The following VSX1 variants were observed in gnomAD, a reference collection of about 807,000 sequenced individuals.
The protein encoded by VSX1 is visual system homeobox 1.
In VSX1, 23 loss-of-function variants were observed where a neutral mutation model predicts 23.6. That is an observed-to-expected ratio of 0.97 (90% CI 0.70 to 1.38). The LOEUF (loss-of-function observed/expected upper bound fraction) is 1.38. Among genes scored for constraint, VSX1 ranks in the 40% most tolerant of loss-of-function variants. The probability of loss-of-function intolerance (pLI) is 0.00; values close to 1 mark genes in which losing one functional copy is unlikely to be tolerated. For synonymous variants in VSX1, 247 were observed against 215.1 expected (o/e 1.15, Z -1.30); for missense variants, 517 against 495.4 (o/e 1.04, Z -0.41).
At chr20:25,081,410 A>G (rs1036076237) in intron 1 of VSX1, 1 of 744,646 alleles carries the variant, frequency 1.3e-6, no homozygotes, top group African/African-American at 1.7e-5. Context: ...TCTCATCAAA[A>G]GGTTCCACCC....
At chr20:25,078,724 G>A (rs779374661) in intron 3 of VSX1, 105 bp downstream of exon 3, 6 of 1,613,562 alleles carry the variant, frequency 3.7e-6, no homozygotes, top group Non-Finnish European at 5.1e-6. Context: ...CTATGCAAAG[G>A]GAGCGTGTTG....
intron 2 of VSX1, among the ~76,000 whole-genome samples, chr20:25,079,164 A>G (rs2089583593): frequency 1.3e-5 from 2 of 152,236 alleles, no homozygotes; most frequent in Non-Finnish European, 2.9e-5. Context: ...AATGAATTCC[A>G]TCAGCTCATT....
chr20:25,074,439 A>G (rs2089444566), downstream of VSX1, among the ~76,000 whole-genome samples: 1 of 152,244 alleles, frequency 6.6e-6, no homozygotes, highest in South Asian at 2.1e-4. Flanking sequence ...CAGTGCTTCT[A>G]GCCCCTTTCT....
chr20:25,081,844 G>A lies in VSX1; in HGVS notation c.253C>T (p.Leu85Phe). Residue 85 changes from leucine (L) to phenylalanine (F), a missense_variant, in exon 1 of 5, where the codon CTC becomes TTC. Transcript: ENST00000376709. ...RGALPLGLGL[L>F]CGFGTQPPAA... ...GGCGGCTGCGTGCCGAAGCCACAGA[G>A]GAGGCCGAGTCCCAGCGGTAGGGCC... 6.6e-7 allele frequency: 1 copy of A among 1,519,446 alleles called. No homozygotes were observed. Among genetic ancestry groups the A allele is most frequent in the Non-Finnish European group, 8.8e-7 (1 of 1,141,350 alleles). The allele number at this position is 1,519,446 out of a possible 1,614,324, so 94.1% of individuals were successfully genotyped here.
chr20:25,078,779 G>C (rs767104292), intron 3 of VSX1, 50 bp downstream of exon 3: 1 of 1,614,166 alleles, frequency 6.2e-7, no homozygotes, highest in Non-Finnish European at 8.5e-7. Context: ...ATGTGGGAAT[G>C]ACACGTTCTC....
chr20:25,081,311 C>G, intron 1 of VSX1: 3 of 502,642 alleles, frequency 6.0e-6, no homozygotes, highest in Admixed American at 4.7e-5. Context: ...CGGGCCTTCC[C>G]GACCCACGCA....
At chr20:25,074,323 T>C (rs1383854166), downstream of VSX1, among the ~76,000 whole-genome samples, 1 of 152,228 alleles carries the variant, frequency 6.6e-6, no homozygotes, top group Non-Finnish European at 1.5e-5. Context: ...TCTGCTCTTA[T>C]ATATGTACAT....
chr20:25,080,523 C>T (rs937509353), intron 1 of VSX1, among the ~76,000 whole-genome samples: 4 of 152,168 alleles, frequency 2.6e-5, no homozygotes, highest in Non-Finnish European at 4.4e-5. Flanking sequence ...ATAATATTTG[C>T]TATCATTGTT....
intron 3 of VSX1, 149 bp downstream of exon 3, chr20:25,078,680 C>CT (rs1481380525): frequency 1.9e-6 from 3 of 1,605,646 alleles, no homozygotes; most frequent in East Asian, 2.2e-5. Flanking sequence ...GGGGCAAGCT[C>CT]TTGTGGTGCC....
chr20:25,076,299 G>A lies in VSX1; in HGVS notation c.1060C>T (p.Leu354=), dbSNP rs2089489639. Reference sequence around the variant, plus strand: ...ACCTTCCCTGGCTGGGGCCCCTCCAGTGCCGTGGAGTTGGAGCCTCCTTGA... The same window carrying A: ...ACCTTCCCTGGCTGGGGCCCCTCCAATGCCGTGGAGTTGGAGCCTCCTTGA... ...GAQGGSNSTA[L]EGPQPGKVGA... The change falls in exon 5 of 5, where the codon CTG becomes TTG. Residue 354 remains leucine, a synonymous_variant. Coordinates refer to ENST00000376709, the MANE Select transcript of VSX1 (RefSeq NM_014588.6). 6.2e-7 allele frequency: 1 copy of A among 1,614,234 alleles called. No homozygotes were observed. Among genetic ancestry groups the A allele is most frequent in the Non-Finnish European group, 8.5e-7 (1 of 1,180,042 alleles).
chr20:25,077,999 A>G lies in VSX1; in HGVS notation c.628-134T>C, dbSNP rs1026644014. 7 of 1,276,694 alleles carry G rather than the reference A, an allele frequency of 5.5e-6. No homozygotes were observed. The African/African-American group carries it at 8.9e-5, about 16-fold the overall frequency. The allele number at this position is 1,276,694 out of a possible 1,614,324, so 79.1% of individuals were successfully genotyped here. ...ATCCCATGCTATTTCTGAAGGAAAT[A>G]GCTCCCGAGGGCCAACCAGCCGCCC... On this transcript the variant is annotated intron_variant, in intron 3 of 4. Transcript: ENST00000376709.
chr20:25,079,072 A>G lies in VSX1; in HGVS notation c.504-120T>C, dbSNP rs1022613503. The G allele has an allele frequency of 6.2e-6, 7 of 1,123,046 alleles. No individual in the cohort carries two copies. The African/African-American group carries it at 7.7e-5, about 12-fold the overall frequency. 69.6% of individuals were successfully genotyped at this position (1,123,046 alleles called of 1,614,324 possible). On this transcript the variant is annotated intron_variant, in intron 2 of 4. Coordinates refer to ENST00000376709, the MANE Select transcript of VSX1 (RefSeq NM_014588.6). Reference sequence around the variant, plus strand: ...TCCAGACCCTAGAAGCCACTTCATGATAATGGAACACCCCACCTCTGAATG... The same window carrying G: ...TCCAGACCCTAGAAGCCACTTCATGGTAATGGAACACCCCACCTCTGAATG...
In VSX1 at chr20:25,079,086, C is replaced by T. The variant is rs148219162; in HGVS notation, c.504-134G>A. ...GCCACTTCATGATAATGGAACACCC[C>T]ACCTCTGAATGATTAGCTGATGTCC... is the stretch of plus-strand genomic sequence containing the variant. On this transcript the variant is annotated intron_variant, in intron 2 of 4. Transcript: ENST00000376709. 3.2e-3 allele frequency: 3,196 copies of T among 985,056 alleles called. 7 individuals carry two copies. Among genetic ancestry groups the T allele is most frequent in the Non-Finnish European group, 3.1e-3 (1,993 of 649,588 alleles). 61.0% of individuals were successfully genotyped at this position (985,056 alleles called of 1,614,324 possible). A position where few individuals can be genotyped will look rare whatever the true frequency, so the allele number is the denominator to read the frequency against.
At chr20:25,071,336 A>T, downstream of VSX1, 1 of 454,008 alleles carries the variant, frequency 2.2e-6, no homozygotes, top group Non-Finnish European at 4.4e-6. Context: ...TAGCTGGGGC[A>T]GTGGCTCACG....
At chr20:25,077,442 T>C (rs2089523342) in intron 4 of VSX1, among the ~76,000 whole-genome samples, 1 of 152,240 alleles carries the variant, frequency 6.6e-6, no homozygotes, top group Non-Finnish European at 1.5e-5. Flanking sequence ...CAAATACATA[T>C]TTAGCATGCA....
In VSX1 at chr20:25,077,687, A is replaced by C. The variant is rs1319375825; in HGVS notation, c.806T>G (p.Leu269Arg). 1 of 1,547,736 alleles carries C rather than the reference A, an allele frequency of 6.5e-7. No individual in the cohort carries two copies. The highest frequency in any genetic ancestry group is 2.0e-5 in the Admixed American group (1 of 50,992). Residue 269 changes from leucine to arginine, a missense_variant and splice_region_variant, in exon 4 of 5, where the codon CTG (leucine) becomes CGG (arginine). Transcript: ENST00000376709. ...CGATCCCGGGGGCCCTTCCTTACCC[A>C]GGAGCCAGGGCGCGCAGGAGCCCAG... ...GLLGSCAPWL[L>R]GMHKKSMGMI...
chr20:25,076,680 T>C, intron 4 of VSX1, 130 bp from the exon 5 acceptor site: 1 of 1,107,568 alleles, frequency 9.0e-7, no homozygotes, highest in Non-Finnish European at 1.3e-6. Context: ...CTCTGGGGCC[T>C]ACAGGAGAGG....
At chr20:25,075,350 A>G (rs1194111780), downstream of VSX1, 1 of 152,258 alleles carries the variant, frequency 6.6e-6, no homozygotes, top group Non-Finnish European at 1.5e-5. Context: ...CTGCAGCCTG[A>G]AGAATAAAAC....
chr20:25,076,326 C>A lies in VSX1; in HGVS notation c.1033G>T (p.Ala345Ser), dbSNP rs748840443. The A allele has an allele frequency of 2.5e-6, 4 of 1,614,090 alleles. No homozygotes were observed. In the African/African-American group the frequency reaches 5.3e-5, roughly 22 times the overall value. ...GCCGTGGAGTTGGAGCCTCCTTGAG[C>A]ACCAGCCCCAGGGTGCACTTTCTTG... is the stretch of plus-strand genomic sequence containing the variant. ...ETKKVHPGAG[A>S]QGGSNSTALE... The change falls in exon 5 of 5, where the codon GCT becomes TCT. Residue 345 changes from alanine (A) to serine (S), a missense_variant. Ala to Ser is a moderately conservative substitution (Grantham distance 99, BLOSUM62 1). Coordinates refer to ENST00000376709, the MANE Select transcript of VSX1 (RefSeq NM_014588.6).
Sources: allele counts gnomAD v4.1 joint callset (sites outside exome capture counted in the v4.1 genomes callset), GRCh38; gene constraint gnomAD v4.1.1; transcripts MANE v1.5; gene names NCBI Gene and HGNC (gene_info 2026-07-23, HGNC 2026-07-21).